The following PDE3A variants were observed in gnomAD, a reference collection of about 807,000 sequenced individuals.
The protein encoded by PDE3A is cGMP-inhibited 3',5'-cyclic phosphodiesterase 3A.
A neutral mutation model predicts 98.3 loss-of-function variants in PDE3A; 43 were observed. The ratio of observed to expected loss-of-function variants is 0.44; its 90% confidence interval spans 0.34 to 0.56. PDE3A has a LOEUF of 0.56. PDE3A is among the 20% of genes least tolerant of loss of function. The pLI, the probability that PDE3A is intolerant of heterozygous loss-of-function variation, is 0.01. For missense variants in PDE3A, 1,427 were observed against 1,440.7 expected (o/e 0.99, Z 0.15); for synonymous variants, 663 against 567.9 (o/e 1.17, Z -2.38).
In PDE3A at chr12:20,409,010, A is replaced by T. The variant is rs189112846; in HGVS notation, c.960+38766A>T. Among the ~76,000 whole-genome samples, 19 of 152,138 alleles carry T rather than the reference A, an allele frequency of 1.2e-4. No individual in the cohort carries two copies. In the East Asian group the frequency reaches 2.1e-3, roughly 17 times the overall value. Reference sequence around the variant, plus strand: ...CCCTCCCTTTCTTCTGGAAATGGGAATTTTTTTAATGAAATTTCATGCAAA... The same window carrying T: ...CCCTCCCTTTCTTCTGGAAATGGGATTTTTTTTAATGAAATTTCATGCAAA... On this transcript the variant is annotated intron_variant, in intron 1 of 15. Transcript: ENST00000359062.
chr12:20,649,832 C>T (rs1483177587), intron 13 of PDE3A, among the ~76,000 whole-genome samples: 4 of 151,964 alleles, frequency 2.6e-5, no homozygotes, highest in East Asian at 1.9e-4. Context: ...GGGGCTGAGG[C>T]AGGAAGATTG....
chr12:20,592,800 G>A (rs2121381854), intron 2 of PDE3A, among the ~76,000 whole-genome samples: 1 of 152,278 alleles, frequency 6.6e-6, no homozygotes, highest in South Asian at 2.1e-4. Flanking sequence ...ACTAGAAGGA[G>A]GTCTTGTTTG....
At chr12:20,516,785 T>G (rs1946330735) in intron 1 of PDE3A, among the ~76,000 whole-genome samples, 1 of 152,224 alleles carries the variant, frequency 6.6e-6, no homozygotes, top group Non-Finnish European at 1.5e-5. Flanking sequence ...TAGTGAAGCT[T>G]AACTAATTAG....
intron 1 of PDE3A, among the ~76,000 whole-genome samples, chr12:20,425,681 A>G (rs2042906157): frequency 6.6e-6 from 1 of 152,178 alleles, no homozygotes; most frequent in East Asian, 1.9e-4. Flanking sequence ...GTTGCTTAGC[A>G]TAGTTCTATT....
chr12:20,511,119 C>T (rs1946212338), intron 1 of PDE3A, among the ~76,000 whole-genome samples: 1 of 151,906 alleles, frequency 6.6e-6, no homozygotes, highest in Non-Finnish European at 1.5e-5. Context: ...AAAACATTTT[C>T]AGTTTGGTTG....
intron 1 of PDE3A, among the ~76,000 whole-genome samples, chr12:20,422,093 T>A (rs1459030796): frequency 6.6e-6 from 1 of 152,214 alleles, no homozygotes; most frequent in Non-Finnish European, 1.5e-5. Flanking sequence ...ACGCCTGTAA[T>A]CCTAGCACTT....
chr12:20,594,227 C>T (rs190388439), intron 2 of PDE3A, among the ~76,000 whole-genome samples: 224 of 151,618 alleles, frequency 1.5e-3, no homozygotes, highest in African/African-American at 5.2e-3. Flanking sequence ...TTTTAAGTTG[C>T]GAGGAAAAAG....
At chr12:20,581,428 A>G (rs986314085) in intron 2 of PDE3A, among the ~76,000 whole-genome samples, 1 of 152,148 alleles carries the variant, frequency 6.6e-6, no homozygotes, top group African/African-American at 2.4e-5. Flanking sequence ...GACAGAGAAC[A>G]TGCTTCACAG....
In PDE3A at chr12:20,522,087, T is replaced by A. The variant is rs181621293; in HGVS notation, c.961-34573T>A. Among the ~76,000 whole-genome samples the A allele has an allele frequency of 4.6e-5, 7 of 152,284 alleles. No homozygotes were observed. In the East Asian group the frequency reaches 1.4e-3, roughly 29 times the overall value. ...ACAGACAAAGAACAAATCTTCGGGC[T>A]GTCCACTAGATTCCCTAGCTTGGGA... On this transcript the variant is annotated intron_variant, in intron 1 of 15. Transcript: ENST00000359062.
chr12:20,564,520 A>G (rs1386128426), intron 2 of PDE3A, among the ~76,000 whole-genome samples: 1 of 152,100 alleles, frequency 6.6e-6, no homozygotes, highest in Non-Finnish European at 1.5e-5. Flanking sequence ...AAGAAATCTA[A>G]TGGCTAGGTT....
At chr12:20,405,917 C>G (rs73235862) in intron 1 of PDE3A, among the ~76,000 whole-genome samples, 1 of 152,178 alleles carries the variant, frequency 6.6e-6, no homozygotes, top group African/African-American at 2.4e-5. Context: ...TTGACAATCA[C>G]CATTCTACCC....
intron 2 of PDE3A, among the ~76,000 whole-genome samples, chr12:20,595,641 G>A (rs1592093064): frequency 6.6e-6 from 1 of 152,264 alleles, no homozygotes; most frequent in South Asian, 2.1e-4. Context: ...AGATAATATA[G>A]CAAGTTTAAA....
At chr12:20,504,184 T>C (rs764088346) in intron 1 of PDE3A, among the ~76,000 whole-genome samples, 1 of 152,252 alleles carries the variant, frequency 6.6e-6, no homozygotes, top group East Asian at 1.9e-4. Flanking sequence ...ATTTTCCTTT[T>C]CCTTCTCCTG....
rs1945963660 is a variant in PDE3A, at chr12:20,686,410, C to A, written c.*6139C>A. ...ATCTTTCCTACTAAGAAAAATTAAA[C>A]CTTACTAATCTTGACTTTCACAGAT... is the stretch of plus-strand genomic sequence containing the variant. On this transcript the variant is annotated 3_prime_UTR_variant, in exon 16 of 16. Coordinates refer to ENST00000359062, the MANE Select transcript of PDE3A (RefSeq NM_000921.5). Among the ~76,000 whole-genome samples the A allele has an allele frequency of 6.6e-6, 1 of 152,120 alleles. No homozygotes were observed. The highest frequency in any genetic ancestry group is 2.4e-5 in the African/African-American group (1 of 41,446).
At chr12:20,660,074 G>A (rs1352528376) in intron 15 of PDE3A, among the ~76,000 whole-genome samples, 9 of 152,046 alleles carry the variant, frequency 5.9e-5, no homozygotes, top group Admixed American at 1.3e-4. Flanking sequence ...GGAGGTAATC[G>A]AATCATAAGG....
intron 14 of PDE3A, 43 bp downstream of exon 14, chr12:20,650,643 G>A (rs770609020): frequency 6.8e-6 from 9 of 1,321,246 alleles, no homozygotes; most frequent in South Asian, 5.6e-5. Flanking sequence ...GTACTTACAG[G>A]TTGCTCATGA....
chr12:20,670,708 G>A (rs1945452536), intron 15 of PDE3A, among the ~76,000 whole-genome samples: 2 of 143,708 alleles, frequency 1.4e-5, no homozygotes, highest in South Asian at 4.5e-4. Flanking sequence ...AGTGTGTAGA[G>A]GGAAATTTAT....
intron 1 of PDE3A, among the ~76,000 whole-genome samples, chr12:20,517,759 G>T (rs975404630): frequency 1.3e-5 from 2 of 152,136 alleles, no homozygotes; most frequent in Admixed American, 1.3e-4. Flanking sequence ...AATGTCATGT[G>T]GGGCCATTTT....
At chr12:20,621,861 G>A (rs527268278) in intron 5 of PDE3A, among the ~76,000 whole-genome samples, 1 of 152,128 alleles carries the variant, frequency 6.6e-6, no homozygotes, top group East Asian at 1.9e-4. Context: ...CTTTAAATGG[G>A]AACATGAAAT....
Sources: allele counts gnomAD v4.1 joint callset (sites outside exome capture counted in the v4.1 genomes callset), GRCh38; gene constraint gnomAD v4.1.1; transcripts MANE v1.5; gene names NCBI Gene and HGNC (gene_info 2026-07-23, HGNC 2026-07-21).